The following NTM variants were observed in gnomAD, a reference collection of about 807,000 sequenced individuals.
The protein encoded by NTM is neurotrimin.
Under a neutral mutation model 42.1 loss-of-function variants are expected in NTM, and 13 were observed. The ratio of observed to expected loss-of-function variants is 0.31; its 90% CI spans 0.20 to 0.49. The LOEUF is 0.49. NTM is among the 20% of genes least tolerant of loss of function. The pLI is 0.99. For missense variants in NTM, 373 were observed against 452.8 expected (o/e 0.82, Z 1.60); for synonymous variants, 187 against 179.2 (o/e 1.04, Z -0.35).
intron 1 of NTM, among the ~76,000 whole-genome samples, chr11:131,756,697 C>G (rs531852244): frequency 6.6e-6 from 1 of 151,678 alleles, no homozygotes; most frequent in Non-Finnish European, 1.5e-5. Flanking sequence ...GTCTCACACA[C>G]AAAAAATTGC....
chr11:132,278,798 G>A (rs1392789347), intron 4 of NTM, among the ~76,000 whole-genome samples: 4 of 141,226 alleles, frequency 2.8e-5, no homozygotes, highest in African/African-American at 1.1e-4. Context: ...CTGCTTAAAT[G>A]TCAGTAATCT....
At chr11:131,481,363 G>C (rs1192844686) in intron 1 of NTM, among the ~76,000 whole-genome samples, 1 of 152,236 alleles carries the variant, frequency 6.6e-6, no homozygotes, top group East Asian at 1.9e-4. Context: ...CTCTGGCTGT[G>C]CTCAGCTTTC....
At chr11:132,099,326 C>A (rs901598330) in intron 2 of NTM, among the ~76,000 whole-genome samples, 2 of 152,130 alleles carry the variant, frequency 1.3e-5, no homozygotes, top group South Asian at 4.1e-4. Context: ...GTCTTCTAAT[C>A]CAGTGGTGGT....
intron 1 of NTM, among the ~76,000 whole-genome samples, chr11:131,867,372 TG>T (rs1052883485): frequency 1.3e-5 from 2 of 152,082 alleles, no homozygotes; most frequent in Non-Finnish European, 2.9e-5. Context: ...TCTGTGTGTC[TG>T]GGGGTGTGTG....
intron 4 of NTM, among the ~76,000 whole-genome samples, chr11:132,256,723 AGT>A (rs2092505687): frequency 6.6e-6 from 1 of 150,954 alleles, no homozygotes; most frequent in South Asian, 2.1e-4. Flanking sequence ...ACGGCACATG[AGT>A]GCATCTGTTT....
In NTM at chr11:131,523,103, G is replaced by T. The variant is rs374083674; in HGVS notation, c.82+152215G>T. Among the ~76,000 whole-genome samples, 39 of 152,292 alleles carry T rather than the reference G, an allele frequency of 2.6e-4. 1 individual carries two copies. In the East Asian group the frequency reaches 6.0e-3, roughly 23 times the overall value. ...TGGATTGCTTGTGGTTGTACCAGCC[G>T]ACTTAGTGTCCCTTTTTCTGGATTG... is the stretch of plus-strand genomic sequence containing the variant. On this transcript the variant is annotated intron_variant, in intron 1 of 8. Coordinates refer to ENST00000683400, the MANE Select transcript of NTM (RefSeq NM_001352005.2).
intron 4 of NTM, among the ~76,000 whole-genome samples, chr11:132,292,787 T>TAAAAAGAAAAA (rs2094491196): frequency 1.8e-5 from 1 of 56,572 alleles, no homozygotes; most frequent in Non-Finnish European, 3.0e-5. Context: ...GATGTAAAAG[T>TAAAAAGAAAAA]AAAAAAAAAA....
At chr11:131,699,734 A>G (rs1330596910) in intron 1 of NTM, among the ~76,000 whole-genome samples, 1 of 152,176 alleles carries the variant, frequency 6.6e-6, no homozygotes, top group African/African-American at 2.4e-5. Context: ...AAAAGGGGGG[A>G]AAAGTCCCTT....
chr11:131,688,124 C>T (rs116172119), intron 1 of NTM, among the ~76,000 whole-genome samples: 4,205 of 152,276 alleles, frequency 0.028, 213 homozygotes, highest in African/African-American at 0.095. Context: ...TGAGGAGCCG[C>T]AGATGCCGCG....
intron 3 of NTM, among the ~76,000 whole-genome samples, chr11:132,207,630 G>A (rs973442526): frequency 2.0e-5 from 3 of 152,178 alleles, no homozygotes; most frequent in African/African-American, 7.2e-5. Context: ...GTGCCAACAA[G>A]GTTGGGGACT....
intron 1 of NTM, among the ~76,000 whole-genome samples, chr11:131,820,499 G>A (rs1479442683): frequency 1.3e-5 from 2 of 152,132 alleles, no homozygotes; most frequent in African/African-American, 2.4e-5. Context: ...ATATAAAAAA[G>A]GATGAGAGAA....
intron 4 of NTM, chr11:132,284,430 A>G (rs1565383947): frequency 6.6e-6 from 1 of 152,328 alleles, no homozygotes; most frequent in Non-Finnish European, 1.5e-5. Flanking sequence ...TCCTAAGGAC[A>G]CCAGTCCCAT....
chr11:131,951,818 T>C (rs1381891353), intron 2 of NTM, among the ~76,000 whole-genome samples: 1 of 75,638 alleles, frequency 1.3e-5, no homozygotes, highest in Admixed American at 1.8e-4. Flanking sequence ...CAAGACTCCG[T>C]CTCAAAAAAA....
chr11:132,035,142 G>T (rs1446096027), intron 2 of NTM, among the ~76,000 whole-genome samples: 1 of 152,176 alleles, frequency 6.6e-6, no homozygotes, highest in East Asian at 1.9e-4. Context: ...ACATGAACTT[G>T]ATATTCAGGC....
At chr11:132,028,245 G>GT (rs200489405) in intron 2 of NTM, among the ~76,000 whole-genome samples, 5,482 of 132,128 alleles carry the variant, frequency 0.041, 122 homozygotes, top group South Asian at 0.051. Context: ...CTTCCAGCTG[G>GT]TTTTTTTTTT....
At position 131,689,068 on chromosome 11, in the gene NTM, G is replaced by C. The variant is rs1340653072; in HGVS notation, c.83-222496G>C. On this transcript the variant is annotated intron_variant, in intron 1 of 8. Transcript: ENST00000683400. ...GAAAACGAGAGCTACCAATAAATTG[G>C]ATGTTTGTTAAGGAAAATCCCCGCA... is the stretch of plus-strand genomic sequence containing the variant. Among the ~76,000 whole-genome samples, 475 of 152,308 alleles carry C rather than the reference G, an allele frequency of 3.1e-3. 2 individuals are homozygous for C. Among genetic ancestry groups the C allele is most frequent in the African/African-American group, 0.011 (456 of 41,546 alleles).
At chr11:132,168,022 A>G (rs1390289152) in intron 3 of NTM, among the ~76,000 whole-genome samples, 2 of 152,166 alleles carry the variant, frequency 1.3e-5, no homozygotes, top group Admixed American at 1.3e-4. Context: ...TGCAGCTCAA[A>G]AATGTTTTGC....
chr11:132,196,688 G>A lies in NTM; in HGVS notation c.401-15334G>A, dbSNP rs577616653. Among the ~76,000 whole-genome samples, 23 of 152,154 alleles carry A rather than the reference G, an allele frequency of 1.5e-4. No homozygotes were observed. In the East Asian group the frequency reaches 2.1e-3, roughly 14 times the overall value. On this transcript the variant is annotated intron_variant, in intron 3 of 8. Transcript: ENST00000683400. ...ATTATCCTAAGTGAACACCAAATAC[G>A]GCATGTTCCCACTTATAAGTGGGAG...
At chr11:132,010,050 T>C (rs1194379551) in intron 2 of NTM, among the ~76,000 whole-genome samples, 1 of 152,212 alleles carries the variant, frequency 6.6e-6, no homozygotes, top group Non-Finnish European at 1.5e-5. Flanking sequence ...ATTTCTTAAG[T>C]CACTAGATTG....
Sources: gnomAD v4.1 joint callset for allele counts (sites outside exome capture counted in the v4.1 genomes callset) on GRCh38, gnomAD v4.1.1 for gene constraint, MANE v1.5 for transcripts, NCBI Gene and HGNC (gene_info 2026-07-23, HGNC 2026-07-21) for gene names.